The following ZNF804A variants were observed in gnomAD, a reference collection of about 807,000 sequenced individuals.
The protein encoded by ZNF804A is zinc finger protein 804A.
A neutral mutation model predicts 16.5 loss-of-function variants in ZNF804A; 2 were observed. The observed-to-expected ratio is 0.12, with a 90% CI of 0.05 to 0.38. The LOEUF (loss-of-function observed/expected upper bound fraction) is 0.38. ZNF804A is among the 10% of genes least tolerant of loss of function. ZNF804A has a pLI of 0.99. For missense variants in ZNF804A, 1,473 were observed against 1,390.7 expected (o/e 1.06, Z -0.94); for synonymous variants, 534 against 489.6 (o/e 1.09, Z -1.20).
rs72899989 is a variant in ZNF804A at position 184,691,244 on chromosome 2, C to T, written c.111+92174C>T. Among the ~76,000 whole-genome samples, 942 of 152,048 alleles carry T rather than the reference C, an allele frequency of 6.2e-3. 8 individuals carry two copies. The highest frequency in any genetic ancestry group is 0.012 in the Non-Finnish European group (783 of 67,888). ...ATAGAATTTTGCTCTGATCTTTCAA[C>T]TTGCTCAGCAAAAAACCTTCAAAAA... On this transcript the variant is annotated intron_variant, in intron 1 of 3. Coordinates refer to ENST00000302277, the MANE Select transcript of ZNF804A (RefSeq NM_194250.2).
chr2:184,886,445 G>A (rs909545997), intron 2 of ZNF804A, among the ~76,000 whole-genome samples: 14 of 152,164 alleles, frequency 9.2e-5, no homozygotes, highest in Non-Finnish European at 1.5e-4. Context: ...TCTGGAGGAT[G>A]GTGGCCCTCC....
At chr2:184,691,888 A>C (rs948234899) in intron 1 of ZNF804A, among the ~76,000 whole-genome samples, 1 of 152,108 alleles carries the variant, frequency 6.6e-6, no homozygotes, top group African/African-American at 2.4e-5. Flanking sequence ...GAACAGATTA[A>C]AACACAGAGA....
At chr2:184,924,277 G>A (rs1685575238) in intron 2 of ZNF804A, among the ~76,000 whole-genome samples, 1 of 151,650 alleles carries the variant, frequency 6.6e-6, no homozygotes, top group Non-Finnish European at 1.5e-5. Context: ...GAGTTTTGGA[G>A]TTCTTCATGG....
intron 1 of ZNF804A, among the ~76,000 whole-genome samples, chr2:184,846,504 G>T (rs960430454): frequency 6.6e-6 from 1 of 151,966 alleles, no homozygotes; most frequent in African/African-American, 2.4e-5. Flanking sequence ...AAAATTATAT[G>T]TATGGATTTT....
At chr2:184,853,019 T>C (rs1327395433) in intron 1 of ZNF804A, among the ~76,000 whole-genome samples, 6 of 151,824 alleles carry the variant, frequency 4.0e-5, no homozygotes, top group Non-Finnish European at 8.8e-5. Flanking sequence ...ATTTAATCTG[T>C]AGATCACTTT....
At chr2:184,690,943 T>C (rs1692715501) in intron 1 of ZNF804A, among the ~76,000 whole-genome samples, 1 of 152,006 alleles carries the variant, frequency 6.6e-6, no homozygotes, top group Non-Finnish European at 1.5e-5. Flanking sequence ...ATACTGCCTA[T>C]ATCTGGAAAA....
intron 1 of ZNF804A, among the ~76,000 whole-genome samples, chr2:184,822,109 A>G (rs1167311775): frequency 6.6e-6 from 1 of 152,112 alleles, no homozygotes; most frequent in African/African-American, 2.4e-5. Flanking sequence ...AGACACATGC[A>G]TGTGTATGTT....
intron 1 of ZNF804A, among the ~76,000 whole-genome samples, chr2:184,675,975 T>C (rs1692422999): frequency 6.6e-6 from 1 of 151,720 alleles, no homozygotes; most frequent in Non-Finnish European, 1.5e-5. Flanking sequence ...TAAAAAAAAT[T>C]CAGTAACTCA....
intron 2 of ZNF804A, among the ~76,000 whole-genome samples, chr2:184,929,479 T>TTA (rs897728169): frequency 3.0e-4 from 45 of 152,002 alleles, no homozygotes; most frequent in Admixed American, 1.1e-3. Context: ...TTATATATGT[T>TTA]TATATATATG....
intron 1 of ZNF804A, among the ~76,000 whole-genome samples, chr2:184,864,489 T>C (rs907294170): frequency 6.6e-6 from 1 of 152,166 alleles, no homozygotes; most frequent in African/African-American, 2.4e-5. Context: ...GTGCAGTTGA[T>C]ACAACTAATA....
intron 1 of ZNF804A, among the ~76,000 whole-genome samples, chr2:184,776,497 A>C (rs1221297867): frequency 6.6e-6 from 1 of 150,586 alleles, no homozygotes; most frequent in Non-Finnish European, 1.5e-5. Context: ...TTTTTTTGTA[A>C]ACCTCTGTGT....
chr2:184,848,613 A>G (rs766579769), intron 1 of ZNF804A, among the ~76,000 whole-genome samples: 4 of 152,078 alleles, frequency 2.6e-5, no homozygotes, highest in Non-Finnish European at 4.4e-5. Flanking sequence ...GGAAGAATAA[A>G]TAACAAGTCC....
chr2:184,749,183 A>T (rs1693839922), intron 1 of ZNF804A, among the ~76,000 whole-genome samples: 1 of 151,440 alleles, frequency 6.6e-6, no homozygotes, highest in South Asian at 2.1e-4. Context: ...GACCATTTTA[A>T]TGATATTGAT....
chr2:184,736,651 G>C (rs2369594), intron 1 of ZNF804A, among the ~76,000 whole-genome samples: 1 of 151,842 alleles, frequency 6.6e-6, no homozygotes, highest in Non-Finnish European at 1.5e-5. Context: ...CACGGCACAC[G>C]TATACCTATG....
chr2:184,702,567 G>T (rs1692937266), intron 1 of ZNF804A, among the ~76,000 whole-genome samples: 1 of 151,950 alleles, frequency 6.6e-6, no homozygotes, highest in Admixed American at 6.6e-5. Flanking sequence ...CTGATAAAGA[G>T]TTCACTAAGC....
At chr2:184,787,623 T>G (rs1322715517) in intron 1 of ZNF804A, among the ~76,000 whole-genome samples, 1 of 151,948 alleles carries the variant, frequency 6.6e-6, no homozygotes, top group Non-Finnish European at 1.5e-5. Context: ...AGCATTTCTT[T>G]ATGTGTTTCG....
In ZNF804A at chr2:184,911,247, T is replaced by A. The variant is rs1300102349; in HGVS notation, c.256-22356T>A. On this transcript the variant is annotated intron_variant, in intron 2 of 3. Coordinates refer to ENST00000302277, the MANE Select transcript of ZNF804A (RefSeq NM_194250.2). ...AGGGAGTCCTTTCCCCATTGTTTAT[T>A]TTTGTCAACTTTGTCAAAGGTCAGA... Among the ~76,000 whole-genome samples the A allele has an allele frequency of 2.6e-5, 4 of 151,992 alleles. No homozygotes were observed. In the South Asian group the frequency reaches 8.4e-4, roughly 32 times the overall value.
chr2:184,866,957 T>G (rs1296195411), intron 2 of ZNF804A, among the ~76,000 whole-genome samples: 3 of 151,412 alleles, frequency 2.0e-5, no homozygotes, highest in Non-Finnish European at 4.4e-5. Context: ...ATAGAAAGCA[T>G]TTTGGATTTA....
At chr2:184,849,907 C>G (rs1695575807) in intron 1 of ZNF804A, among the ~76,000 whole-genome samples, 1 of 151,966 alleles carries the variant, frequency 6.6e-6, no homozygotes, top group South Asian at 2.1e-4. Flanking sequence ...GAAATCCTGT[C>G]ATTTGAGACA....
Sources: gnomAD v4.1 joint callset for allele counts (sites outside exome capture counted in the v4.1 genomes callset) on GRCh38, gnomAD v4.1.1 for gene constraint, MANE v1.5 for transcripts, NCBI Gene and HGNC (gene_info 2026-07-23, HGNC 2026-07-21) for gene names.